The following DPYD variants were observed in gnomAD, a reference collection of about 807,000 sequenced individuals.
DPYD encodes the protein dihydropyrimidine dehydrogenase, also known as dihydropyrimidine dehydrogenase [NADP(+)].
Under a neutral mutation model 116.2 loss-of-function variants are expected in DPYD, and 109 were observed. That is an observed-to-expected ratio of 0.94 (90% confidence interval 0.80 to 1.10). The LOEUF (loss-of-function observed/expected upper bound fraction) is 1.10, where lower values mean the gene tolerates loss of function less well. Ranked by LOEUF, DPYD falls within the 50% of genes least tolerant of loss-of-function variation. DPYD has a pLI of 0.00. For synonymous variants in DPYD, 440 were observed against 432.0 expected (o/e 1.02, Z -0.23); for missense variants, 1,302 against 1,254.5 (o/e 1.04, Z -0.57).
rs1654784131 is a variant in DPYD, at chr1:97,595,080, C to A, written c.937G>T (p.Val313Leu). The A allele has an allele frequency of 6.2e-7, 1 of 1,613,502 alleles. No homozygotes were observed. Among genetic ancestry groups the A allele is most frequent in the East Asian group, 2.2e-5 (1 of 44,828 alleles). The change falls in exon 9 of 23, where the codon GTA (valine) becomes TTA (leucine). Residue 313 changes from valine to leucine, a missense_variant. Coordinates refer to ENST00000370192, the MANE Select transcript of DPYD (RefSeq NM_000110.4). Reference sequence around the variant, plus strand: ...ATACCTGCTTTACTGCCTTTGGCTACAAGTGGCAAAAAGTCTTTGGATGTA... The same window carrying A: ...ATACCTGCTTTACTGCCTTTGGCTAAAAGTGGCAAAAAGTCTTTGGATGTA... ...FYTSKDFLPL[V>L]AKGSKAGMCA...
intron 20 of DPYD, among the ~76,000 whole-genome samples, chr1:97,120,639 T>C (rs1305466213): frequency 2.6e-5 from 4 of 152,124 alleles, no homozygotes; most frequent in Admixed American, 6.6e-5. Flanking sequence ...TTTGTGTCAA[T>C]AGGAAAATGT....
chr1:97,169,938 T>A (rs1198812355), intron 20 of DPYD, among the ~76,000 whole-genome samples: 3 of 152,258 alleles, frequency 2.0e-5, no homozygotes, highest in Non-Finnish European at 4.4e-5. Flanking sequence ...ATGGTATTTA[T>A]ACCTTGTGAC....
At chr1:97,616,695 A>C (rs535532727) in intron 8 of DPYD, among the ~76,000 whole-genome samples, 2 of 152,326 alleles carry the variant, frequency 1.3e-5, no homozygotes, top group East Asian at 3.9e-4. Context: ...GACCTAGTTC[A>C]TACAAAAAAG....
chr1:97,773,656 G>A (rs868657922), intron 3 of DPYD, among the ~76,000 whole-genome samples: 3 of 152,168 alleles, frequency 2.0e-5, no homozygotes, highest in Non-Finnish European at 4.4e-5. Flanking sequence ...GTTTGCCATC[G>A]ATGGCAGAAC....
intron 10 of DPYD, among the ~76,000 whole-genome samples, chr1:97,585,611 T>C (rs1256833151): frequency 6.6e-6 from 1 of 152,224 alleles, no homozygotes; most frequent in Non-Finnish European, 1.5e-5. Flanking sequence ...ATGACAATTC[T>C]TTGTTTTTAT....
Position 97,247,671 on chromosome 1 carries a change from T to A in DPYD, c.2300-12677A>T, listed in dbSNP as rs940413797. ...AAGCACATAGTAAATGCTTTAAAAA[T>A]GCCATCACTACAGTTTCTAAAAATA... On this transcript the variant is annotated intron_variant, in intron 18 of 22. Coordinates refer to ENST00000370192, the MANE Select transcript of DPYD (RefSeq NM_000110.4). 3.9e-5 allele frequency among the ~76,000 whole-genome samples: 6 copies of A among 152,168 alleles called. 1 individual carries two copies. The highest frequency in any genetic ancestry group is 3.3e-4 in the Admixed American group (5 of 15,254).
chr1:97,616,852 A>C (rs548256876), intron 8 of DPYD, among the ~76,000 whole-genome samples: 2 of 152,170 alleles, frequency 1.3e-5, no homozygotes, highest in African/African-American at 2.4e-5. Context: ...AGATTATTAG[A>C]GTAGTGATTT....
intron 1 of DPYD, among the ~76,000 whole-genome samples, chr1:97,896,254 G>C (rs550772960): frequency 6.6e-6 from 1 of 151,796 alleles, no homozygotes; most frequent in East Asian, 2.0e-4. Flanking sequence ...TCACATAAAT[G>C]GATAAGAAAA....
chr1:97,477,581 G>A (rs1211494496), intron 13 of DPYD, among the ~76,000 whole-genome samples: 1 of 149,042 alleles, frequency 6.7e-6, no homozygotes, highest in Non-Finnish European at 1.5e-5. Context: ...TGAAGATTCT[G>A]ACCTCCTTCC....
chr1:97,381,290 A>ATT (rs1671947903), intron 15 of DPYD, among the ~76,000 whole-genome samples: 1 of 152,332 alleles, frequency 6.6e-6, no homozygotes, highest in African/African-American at 2.4e-5. Context: ...TTGACTTATA[A>ATT]AAAGTAATGT....
At chr1:97,505,043 C>T (rs1326353825) in intron 13 of DPYD, among the ~76,000 whole-genome samples, 3 of 151,836 alleles carry the variant, frequency 2.0e-5, no homozygotes, top group African/African-American at 4.8e-5. Flanking sequence ...ATTTGAAGAA[C>T]AATAAATGTC....
chr1:97,754,955 G>A (rs772595560), intron 3 of DPYD, among the ~76,000 whole-genome samples: 5 of 152,170 alleles, frequency 3.3e-5, no homozygotes, highest in Non-Finnish European at 5.9e-5. Context: ...TCTTCGGGAC[G>A]AATAAGAGGG....
rs189099932 is a variant in DPYD at position 97,831,988 on chromosome 1, T to G, written c.151-3792A>C. Among the ~76,000 whole-genome samples, 188 of 151,168 alleles carry G rather than the reference T, an allele frequency of 1.2e-3. No individual in the cohort carries two copies. The Middle Eastern group carries it at 0.024, about 19-fold the overall frequency. On this transcript the variant is annotated intron_variant, in intron 2 of 22. Coordinates refer to ENST00000370192, the MANE Select transcript of DPYD (RefSeq NM_000110.4). ...AATTAATTGGTAGAAAACTGAAAAT[T>G]CGGAACAATTTGTATCAGCAACCAT...
chr1:97,705,667 T>C (rs1195718605), intron 5 of DPYD, among the ~76,000 whole-genome samples: 1 of 152,094 alleles, frequency 6.6e-6, no homozygotes, highest in Non-Finnish European at 1.5e-5. Context: ...GATGGCTGGG[T>C]CAAATGGTAT....
chr1:97,613,755 T>C (rs1452802358), intron 8 of DPYD, among the ~76,000 whole-genome samples: 3 of 152,014 alleles, frequency 2.0e-5, no homozygotes, highest in Admixed American at 1.3e-4. Flanking sequence ...CAACAATGGG[T>C]ATGATTATGT....
intron 14 of DPYD, among the ~76,000 whole-genome samples, chr1:97,411,309 G>A (rs1277505107): frequency 6.6e-6 from 1 of 152,136 alleles, no homozygotes. Context: ...TAATGATCCT[G>A]TGTACTATTC....
At chr1:97,724,953 AAGAGAGAG>A (rs71590231) in intron 4 of DPYD, among the ~76,000 whole-genome samples, 30 of 118,900 alleles carry the variant, frequency 2.5e-4, no homozygotes, top group South Asian at 3.1e-4. Flanking sequence ...GAGGGAAGGA[AAGAGAGAG>A]AGAGAGAGAG....
intron 1 of DPYD, among the ~76,000 whole-genome samples, chr1:97,908,302 T>C (rs1673748012): frequency 6.6e-6 from 1 of 151,980 alleles, no homozygotes; most frequent in Admixed American, 6.6e-5. Context: ...CCACTTGGCC[T>C]CCCAAAGTGC....
At chr1:97,098,264 G>T (rs889553404) in intron 21 of DPYD, among the ~76,000 whole-genome samples, 14 of 152,002 alleles carry the variant, frequency 9.2e-5, no homozygotes, top group Admixed American at 9.2e-4. Flanking sequence ...AAATTTCCAT[G>T]ACATGCATGC....
Sources: allele counts gnomAD v4.1 joint callset (sites outside exome capture counted in the v4.1 genomes callset), GRCh38; gene constraint gnomAD v4.1.1; transcripts MANE v1.5; gene names NCBI Gene and HGNC (gene_info 2026-07-23, HGNC 2026-07-21).